The following PARD6B variants were observed in gnomAD, a reference collection of about 807,000 sequenced individuals.
The protein encoded by PARD6B is par-6 family cell polarity regulator beta, also known as partitioning defective 6 homolog beta.
A neutral mutation model predicts 10.5 loss-of-function variants in PARD6B; 4 were observed. The observed-to-expected ratio is 0.38, with a 90% CI of 0.19 to 0.87. PARD6B has a LOEUF of 0.87. Among genes scored for constraint, PARD6B ranks in the 40% least tolerant of loss-of-function variants. The pLI is 0.41. For synonymous variants in PARD6B, 169 were observed against 170.4 expected (o/e 0.99, Z 0.07); for missense variants, 396 against 470.6 (o/e 0.84, Z 1.47).
chr20:50,732,456 C>T (rs1466237711), intron 1 of PARD6B, among the ~76,000 whole-genome samples: 1 of 152,324 alleles, frequency 6.6e-6, no homozygotes, highest in East Asian at 1.9e-4. Flanking sequence ...TTCCATCCTG[C>T]TACCTACTCA....
chr20:50,753,618 GTATT>G lies in PARD6B; in HGVS notation c.*3132_*3135del. The G allele has an allele frequency of 1.2e-6, 1 of 804,870 alleles. No individual in the cohort carries two copies. Among genetic ancestry groups the G allele is most frequent in the Non-Finnish European group, 1.5e-6 (1 of 665,174 alleles). The allele number at this position is 804,870 out of a possible 1,614,324, so 49.9% of individuals were successfully genotyped here. ...CTTTGTTTATAACTATCAAATGTCA[GTATT>G]TTACTACAATTTTATTATAAAGTGT... On this transcript the variant is annotated 3_prime_UTR_variant, in exon 3 of 3. Transcript: ENST00000371610.
Position 50,750,929 on chromosome 20 carries a change from C to CT in PARD6B, c.*442dup, listed in dbSNP as rs2087602187. 3 of 735,728 alleles carry CT rather than the reference C, an allele frequency of 4.1e-6. No individual in the cohort carries two copies. Among genetic ancestry groups the CT allele is most frequent in the Non-Finnish European group, 4.8e-6 (3 of 619,930 alleles). 45.6% of individuals were successfully genotyped at this position (735,728 alleles called of 1,614,324 possible). On this transcript the variant is annotated 3_prime_UTR_variant, in exon 3 of 3. Transcript: ENST00000371610. The stretch of plus-strand genomic sequence containing the variant: ...ATTGGGGACCTCAGCTCTTAAAGGT[C>CT]TCATGTTCCCAATATTTTATTTTGA...
rs2087622437 is a variant in PARD6B, at chr20:50,752,986, A to C, written c.*2498A>C. ...GACTCTTGAATGGCAAAATAATGTTAGTATGTAGAAGGTTAACTTTCATTT... is the reference window on the plus strand; with the variant it reads ...GACTCTTGAATGGCAAAATAATGTTCGTATGTAGAAGGTTAACTTTCATTT... On this transcript the variant is annotated 3_prime_UTR_variant, in exon 3 of 3. Transcript: ENST00000371610. 3 of 984,168 alleles carry C rather than the reference A, an allele frequency of 3.0e-6. No individual in the cohort carries two copies. The highest frequency in any genetic ancestry group is 3.6e-6 in the Non-Finnish European group (3 of 828,406). 61.0% of individuals were successfully genotyped at this position (984,168 alleles called of 1,614,324 possible). A position where few individuals can be genotyped will look rare whatever the true frequency, so the allele number is the denominator to read the frequency against.
At chr20:50,738,739 A>G (rs2294594) in intron 2 of PARD6B, among the ~76,000 whole-genome samples, 110,021 of 151,998 alleles carry the variant, frequency 0.72, 40,142 homozygotes, top group African/African-American at 0.78. Flanking sequence ...CTATTGTGGA[A>G]GGATGTAAAC....
At chr20:50,740,897 A>T (rs1485997542) in intron 2 of PARD6B, among the ~76,000 whole-genome samples, 1 of 144,100 alleles carries the variant, frequency 6.9e-6, no homozygotes, top group East Asian at 2.0e-4. Context: ...TCATTCTCTC[A>T]CTCCCTCATC....
In PARD6B at chr20:50,753,613, TGTC is replaced by T; in HGVS notation, c.*3126_*3128del. The T allele has an allele frequency of 1.2e-6, 1 of 811,664 alleles. No homozygotes were observed. The highest frequency in any genetic ancestry group is 1.5e-6 in the Non-Finnish European group (1 of 671,296). The allele number at this position is 811,664 out of a possible 1,614,324, so 50.3% of individuals were successfully genotyped here. The stretch of plus-strand genomic sequence containing the variant: ...TGATACTTTGTTTATAACTATCAAA[TGTC>T]AGTATTTTACTACAATTTTATTATA... On this transcript the variant is annotated 3_prime_UTR_variant, in exon 3 of 3. Coordinates refer to ENST00000371610, the MANE Select transcript of PARD6B (RefSeq NM_032521.3).
Position 50,752,864 on chromosome 20 carries a change from T to C in PARD6B, c.*2376T>C. ...TATTAACTGACTGCACATTATGTAA[T>C]ACGTTGTACTTTTTGTTGAATTCAC... On this transcript the variant is annotated 3_prime_UTR_variant, in exon 3 of 3. Coordinates refer to ENST00000371610, the MANE Select transcript of PARD6B (RefSeq NM_032521.3). 1 of 982,160 alleles carries C rather than the reference T, an allele frequency of 1.0e-6. No individual in the cohort carries two copies. The highest frequency in any genetic ancestry group is 1.2e-6 in the Non-Finnish European group (1 of 826,516). 60.8% of individuals were successfully genotyped at this position (982,160 alleles called of 1,614,324 possible).
In PARD6B at chr20:50,753,014, A is replaced by T. The variant is rs1229603768; in HGVS notation, c.*2526A>T. ...ATGTAGAAGGTTAACTTTCATTTAT[A>T]ATATAAGTGGTGCAGGGGTTCAACA... is the stretch of plus-strand genomic sequence containing the variant. On this transcript the variant is annotated 3_prime_UTR_variant, in exon 3 of 3. Transcript: ENST00000371610. 37 of 982,994 alleles carry T rather than the reference A, an allele frequency of 3.8e-5. No individual in the cohort carries two copies. Among genetic ancestry groups the T allele is most frequent in the Non-Finnish European group, 4.2e-5 (35 of 827,532 alleles). The allele number at this position is 982,994 out of a possible 1,614,324, so 60.9% of individuals were successfully genotyped here. A position where few individuals can be genotyped will look rare whatever the true frequency, so the allele number is the denominator to read the frequency against.
At chr20:50,742,693 C>G (rs1488888819) in intron 2 of PARD6B, among the ~76,000 whole-genome samples, 3 of 152,102 alleles carry the variant, frequency 2.0e-5, no homozygotes, top group African/African-American at 7.2e-5. Context: ...AAGCAAATTG[C>G]AAAACCATTT....
chr20:50,751,126 C>T lies in PARD6B; in HGVS notation c.*638C>T. The T allele has an allele frequency of 1.8e-6, 1 of 540,556 alleles. No individual in the cohort carries two copies. The highest frequency in any genetic ancestry group is 8.2e-5 in the South Asian group (1 of 12,240). 33.5% of individuals were successfully genotyped at this position (540,556 alleles called of 1,614,324 possible). A position where few individuals can be genotyped will look rare whatever the true frequency, so the allele number is the denominator to read the frequency against. ...CTGGGACCATAGGCACATACCACCACATCTGTCTACTTTTTGTATTTTTTG... is the reference window on the plus strand; with the variant it reads ...CTGGGACCATAGGCACATACCACCATATCTGTCTACTTTTTGTATTTTTTG... On this transcript the variant is annotated 3_prime_UTR_variant, in exon 3 of 3. Transcript: ENST00000371610.
chr20:50,743,741 T>C (rs2087544184), intron 2 of PARD6B, among the ~76,000 whole-genome samples: 1 of 151,786 alleles, frequency 6.6e-6, no homozygotes, highest in Non-Finnish European at 1.5e-5. Flanking sequence ...ACAAAAAAAT[T>C]AGCCGGGCTT....
At position 50,741,200 on chromosome 20, in the gene PARD6B, A is replaced by AGGCTGCAGTAGCTTCTTG; in HGVS notation, c.289+3121_289+3122insGGCTGCAGTAGCTTCTTG. 2.6e-5 allele frequency among the ~76,000 whole-genome samples: 4 copies of AGGCTGCAGTAGCTTCTTG among 152,074 alleles called. No homozygotes were observed. In the South Asian group the frequency reaches 6.2e-4, roughly 24 times the overall value. ...GGTCTCGAACTCCTGACCTCAGGTG[A>AGGCTGCAGTAGCTTCTTG]TCCACCCGTCTTGGCCTCGAAGTGT... is the stretch of plus-strand genomic sequence containing the variant. On this transcript the variant is annotated intron_variant, in intron 2 of 2. Coordinates refer to ENST00000371610, the MANE Select transcript of PARD6B (RefSeq NM_032521.3).
Position 50,750,767 on chromosome 20 carries a change from T to C in PARD6B, c.*279T>C. 8.5e-7 allele frequency: 1 copy of C among 1,180,402 alleles called. No homozygotes were observed. Among genetic ancestry groups the C allele is most frequent in the Non-Finnish European group, 1.1e-6 (1 of 949,614 alleles). 73.1% of individuals were successfully genotyped at this position (1,180,402 alleles called of 1,614,324 possible). The stretch of plus-strand genomic sequence containing the variant: ...AGAATCAGATGTTAAAGCACATTCT[T>C]GGAACTATGTGAGAAGACTAGATCA... On this transcript the variant is annotated 3_prime_UTR_variant, in exon 3 of 3. Transcript: ENST00000371610.
At position 50,749,805 on chromosome 20, in the gene PARD6B, A is replaced by G. The variant is rs1487116719; in HGVS notation, c.436A>G (p.Ile146Val). 1.2e-6 allele frequency: 2 copies of G among 1,614,236 alleles called. No homozygotes were observed. The highest frequency in any genetic ancestry group is 2.2e-5 in the South Asian group (2 of 91,078). The change falls in exon 3 of 3, where the codon ATA becomes GTA. Residue 146 changes from isoleucine (I) to valine (V), a missense_variant. Coordinates refer to ENST00000371610, the MANE Select transcript of PARD6B (RefSeq NM_032521.3). Reference sequence around the variant, plus strand: ...AGACTTTAGACCTGTGTCTTCTATTATAGACGTGGATATTCTCCCAGAAAC... The same window carrying G: ...AGACTTTAGACCTGTGTCTTCTATTGTAGACGTGGATATTCTCCCAGAAAC... ...PQDFRPVSSI[I>V]DVDILPETHR...
At chr20:50,747,963 T>C (rs114057516) in intron 2 of PARD6B, among the ~76,000 whole-genome samples, 2 of 152,274 alleles carry the variant, frequency 1.3e-5, no homozygotes, top group African/African-American at 4.8e-5. Context: ...CAAAATACCA[T>C]TGAACTTTAT....
rs2087518071 is a variant in PARD6B at position 50,739,412 on chromosome 20, G to T, written c.289+1333G>T. On this transcript the variant is annotated intron_variant, in intron 2 of 2. Transcript: ENST00000371610. ...GCCGAGATCGTACCACTGCACTCCA[G>T]CCTGGGCAACAGAGCAAGACTCCTC... 2.0e-5 allele frequency among the ~76,000 whole-genome samples: 3 copies of T among 152,128 alleles called. No homozygotes were observed. In the South Asian group the frequency reaches 6.2e-4, roughly 32 times the overall value.
At chr20:50,748,161 A>G (rs2087579658) in intron 2 of PARD6B, among the ~76,000 whole-genome samples, 2 of 152,230 alleles carry the variant, frequency 1.3e-5, no homozygotes, top group Non-Finnish European at 1.5e-5. Context: ...TGGCCAACAT[A>G]GTGAAACCGC....
chr20:50,752,723 GT>G lies in PARD6B; in HGVS notation c.*2239del. On this transcript the variant is annotated 3_prime_UTR_variant, in exon 3 of 3. Transcript: ENST00000371610. ...TTCAAATGACTCCGCTTTGAAGGATGTTTTCTCTATATGGTAAAATATATAT... is the reference window on the plus strand; with the variant it reads ...TTCAAATGACTCCGCTTTGAAGGATGTTTCTCTATATGGTAAAATATATAT... 1 of 981,978 alleles carries G rather than the reference GT, an allele frequency of 1.0e-6. No individual in the cohort carries two copies. Among genetic ancestry groups the G allele is most frequent in the Non-Finnish European group, 1.2e-6 (1 of 826,426 alleles). 60.8% of individuals were successfully genotyped at this position (981,978 alleles called of 1,614,324 possible).
chr20:50,748,139 T>A (rs1445222830), intron 2 of PARD6B, among the ~76,000 whole-genome samples: 2 of 152,210 alleles, frequency 1.3e-5, no homozygotes, highest in Non-Finnish European at 2.9e-5. Flanking sequence ...AAGAGTTCCA[T>A]CAAGACCAGC....
Sources: gnomAD v4.1 joint callset for allele counts (sites outside exome capture counted in the v4.1 genomes callset) on GRCh38, gnomAD v4.1.1 for gene constraint, MANE v1.5 for transcripts, NCBI Gene and HGNC (gene_info 2026-07-23, HGNC 2026-07-21) for gene names.